The following NFATC4 variants were observed in gnomAD, a reference collection of about 807,000 sequenced individuals.
The protein encoded by NFATC4 is nuclear factor of activated T-cells, cytoplasmic 4.
NFATC4 carries 25 observed loss-of-function variants against 73.4 expected under a neutral mutation model. The observed-to-expected ratio is 0.34, with a 90% CI of 0.25 to 0.48. The LOEUF (loss-of-function observed/expected upper bound fraction) is 0.48. NFATC4 is among the 20% of genes least tolerant of loss of function. The probability of loss-of-function intolerance (pLI) is 0.99; values close to 1 mark genes in which losing one functional copy is unlikely to be tolerated. For missense variants in NFATC4, 1,130 were observed against 1,203.7 expected, an observed-to-expected ratio of 0.94 and a Z score of 0.91; for synonymous variants, 523 against 510.3, an observed-to-expected ratio of 1.02 and a Z score of -0.34.
rs924191397 is a variant in NFATC4, at chr14:24,370,358, C to T, written c.960C>T (p.Ala320=). 1.6e-5 allele frequency: 26 copies of T among 1,613,778 alleles called. No homozygotes were observed. Among genetic ancestry groups the T allele is most frequent in the Non-Finnish European group, 2.2e-5 (26 of 1,179,940 alleles). Residue 320 remains alanine, a synonymous_variant, in exon 2 of 10, where the codon GCC becomes GCT. Transcript: ENST00000250373. ...CTGGTCCCTTTGACTATGTGGGGGC[C>T]CCACCAGCTGAGAGCATCCCTCAGA... The part of the protein sequence containing the change: ...GSPGPFDYVG[A]PPAESIPQKT...
chr14:24,368,977 A>C, intron 1 of NFATC4: 7 of 1,090,432 alleles, frequency 6.4e-6, no homozygotes, highest in East Asian at 6.0e-5. Context: ...TGGGCCCAGC[A>C]CGCATCACCC....
rs746242895 is a variant in NFATC4, at chr14:24,370,191, C to G, written c.793C>G (p.Pro265Ala). The G allele has an allele frequency of 1.9e-6, 3 of 1,607,632 alleles. No homozygotes were observed. The highest frequency in any genetic ancestry group is 1.7e-6 in the Non-Finnish European group (2 of 1,179,908). Residue 265 changes from proline to alanine, a missense_variant, in exon 2 of 10, where the codon CCA becomes GCA. Physicochemically the swap from Pro to Ala is conservative, Grantham distance 27. Around this residue, in one of 3 missense-constraint regions of NFATC4, gnomAD observed 585 missense variants for 574.3 expected, o/e 1.02. Coordinates refer to ENST00000250373, the MANE Select transcript of NFATC4 (RefSeq NM_004554.5). ...PTPASPRPAS[P>A]CGKRRYSSSG... The stretch of plus-strand genomic sequence containing the variant: ...CCCAGCCTCCCCGCGGCCTGCCTCT[C>G]CATGTGGCAAGCGGCGCTATTCCAG...
At chr14:24,368,492 G>C in intron 1 of NFATC4, 52 bp downstream of exon 1, 7 of 1,246,912 alleles carry the variant, frequency 5.6e-6, no homozygotes, top group Non-Finnish European at 7.1e-6. Flanking sequence ...GAGGGCCGGG[G>C]ATCCTGAGTC....
In NFATC4 at chr14:24,376,188, G is replaced by A; in HGVS notation, c.2056+87G>A. The A allele has an allele frequency of 6.3e-7, 1 of 1,594,170 alleles. No homozygotes were observed. Among genetic ancestry groups the A allele is most frequent in the Non-Finnish European group, 8.6e-7 (1 of 1,168,362 alleles). On this transcript the variant is annotated intron_variant, in intron 8 of 9. Coordinates refer to ENST00000250373, the MANE Select transcript of NFATC4 (RefSeq NM_004554.5). This position sits in a 1 kb window ranked among gnomAD's most constrained non-coding sequence, Gnocchi z 5.0. ...AGGGAAGCAGTACTCATCATGAGGG[G>A]CCAAGGGGTGAATGGAACCTGGGAG...
rs370393607 is a variant in NFATC4, at chr14:24,371,696, C to CT, written c.1197-735dup. On this transcript the variant is annotated intron_variant, in intron 2 of 9. Transcript: ENST00000250373. Reference sequence around the variant, plus strand: ...GGCTTCAGTTTCTTTCTCTCTCTCTCTTTTTTTTTTCTTTGAGACAGTGTC... The same window carrying CT: ...GGCTTCAGTTTCTTTCTCTCTCTCTCTTTTTTTTTTTCTTTGAGACAGTGTC... 1.1e-3 allele frequency: 172 copies of CT among 150,528 alleles called. No homozygotes were observed. In the South Asian group the frequency reaches 0.017, roughly 15 times the overall value. 9.3% of individuals were successfully genotyped at this position (150,528 alleles called of 1,614,324 possible). A position where few individuals can be genotyped will look rare whatever the true frequency, so the allele number is the denominator to read the frequency against.
upstream of NFATC4, chr14:24,367,039 G>C: frequency 6.2e-7 from 1 of 1,613,710 alleles, no homozygotes; most frequent in Non-Finnish European, 8.5e-7. Flanking sequence ...TTGAAACTGT[G>C]TGTGTGTGGG....
Position 24,377,982 on chromosome 14 carries a change from T to A in NFATC4, c.*277T>A. ...CAGAATGGACTGGAGTGAAGGCGTG[T>A]CTAGAGTGTGGGCTGGCTGTTGTGC... On this transcript the variant is annotated 3_prime_UTR_variant, in exon 10 of 10. Transcript: ENST00000250373. The surrounding 1 kb of genome is among the most constrained non-coding windows in gnomAD (Gnocchi z 4.2). The A allele has an allele frequency of 1.7e-6, 1 of 589,392 alleles. No individual in the cohort carries two copies. Among genetic ancestry groups the A allele is most frequent in the East Asian group, 3.1e-5 (1 of 32,252 alleles). The allele number at this position is 589,392 out of a possible 1,614,324, so 36.5% of individuals were successfully genotyped here.
Position 24,373,424 on chromosome 14 carries a change from A to T in NFATC4, c.1559+54A>T. The T allele has an allele frequency of 6.3e-7, 1 of 1,591,390 alleles. No homozygotes were observed. Among genetic ancestry groups the T allele is most frequent in the Non-Finnish European group, 8.6e-7 (1 of 1,162,696 alleles). ...CGCAGGCTTTGTACTAGCTTTCTCC[A>T]CTGGGCCTATGCTAGCCCACTTCTT... On this transcript the variant is annotated intron_variant, in intron 4 of 9. Transcript: ENST00000250373. The surrounding 1 kb of genome is among the most constrained non-coding windows in gnomAD (Gnocchi z 4.7).
At chr14:24,374,224 C>G (rs1173667995) in intron 5 of NFATC4, 102 bp from the exon 6 acceptor site, 1 of 1,415,828 alleles carries the variant, frequency 7.1e-7, no homozygotes, top group Non-Finnish European at 9.5e-7. Flanking sequence ...GAGGAGGGCT[C>G]CCTCAGAGCC....
At position 24,377,559 on chromosome 14, in the gene NFATC4, G is replaced by A. The variant is rs1318286674; in HGVS notation, c.2642-79G>A. ...AGGCCTCCTAGATTAAGACCTGCCT[G>A]GAATGGATTGGGGGTGGGTCTTTGG... On this transcript the variant is annotated intron_variant, in intron 9 of 9. Coordinates refer to ENST00000250373, the MANE Select transcript of NFATC4 (RefSeq NM_004554.5). The surrounding 1 kb of genome is among the most constrained non-coding windows in gnomAD (Gnocchi z 4.2). 1 of 1,608,304 alleles carries A rather than the reference G, an allele frequency of 6.2e-7. No individual in the cohort carries two copies. Among genetic ancestry groups the A allele is most frequent in the African/African-American group, 1.3e-5 (1 of 74,886 alleles).
chr14:24,368,900 A>C (rs2042381171), intron 1 of NFATC4: 7 of 217,692 alleles, frequency 3.2e-5, no homozygotes, highest in Non-Finnish European at 5.4e-5. Flanking sequence ...GATGGCGGGG[A>C]CCGAGCCGGG....
rs1365557949 is a variant in NFATC4, at chr14:24,375,661, T to C, written c.1875T>C (p.Asp625=). The C allele has an allele frequency of 1.3e-6, 2 of 1,543,054 alleles. No individual in the cohort carries two copies. The highest frequency in any genetic ancestry group is 1.2e-5 in the South Asian group (1 of 84,180). Residue 625 remains aspartate, a splice_region_variant and synonymous_variant, in exon 7 of 10, where the codon GAT becomes GAC. Coordinates refer to ENST00000250373, the MANE Select transcript of NFATC4 (RefSeq NM_004554.5). ...SKVVFIERGP[D]GKLQWEEEAT... is the part of the protein sequence containing the mutation. ...CAGCTCTCTGTTCCCTCTGGACAGA[T>C]GGGAAGCTGCAATGGGAGGAGGAGG...
Position 24,368,381 on chromosome 14 carries a change from A to T in NFATC4, c.41A>T (p.Lys14Met). The T allele has an allele frequency of 7.3e-7, 1 of 1,368,354 alleles. No individual in the cohort carries two copies. Among genetic ancestry groups the T allele is most frequent in the Non-Finnish European group, 9.4e-7 (1 of 1,060,472 alleles). 84.8% of individuals were successfully genotyped at this position (1,368,354 alleles called of 1,614,324 possible). A position where few individuals can be genotyped will look rare whatever the true frequency, so the allele number is the denominator to read the frequency against. The change falls in exon 1 of 10, where the codon AAG becomes ATG. Residue 14 changes from lysine to methionine, a missense_variant. Physicochemically the swap from Lys to Met is moderately conservative, Grantham distance 95 (BLOSUM62 -1). This residue lies in a region of NFATC4 where 585 missense variants were observed against 574.3 expected (regional missense o/e 1.02). Coordinates refer to ENST00000250373, the MANE Select transcript of NFATC4 (RefSeq NM_004554.5). Reference protein sequence around the residue: ...ASCEDEELEFKLVFGEEKEAP... With the variant: ...ASCEDEELEFMLVFGEEKEAP... ...TGCGAGGATGAGGAGCTGGAATTTA[A>T]GCTGGTGTTCGGGGAGGAAAAGGAG... is the stretch of plus-strand genomic sequence containing the variant.
chr14:24,369,549 C>G lies in NFATC4; in HGVS notation c.151C>G (p.Pro51Ala), dbSNP rs1566461365. 1.1e-5 allele frequency: 18 copies of G among 1,609,452 alleles called. No homozygotes were observed. The highest frequency in any genetic ancestry group is 1.4e-5 in the Non-Finnish European group (17 of 1,177,044). Residue 51 changes from proline (P) to alanine (A), a missense_variant, in exon 2 of 10, where the codon CCC (proline) becomes GCC (alanine). Pro to Ala is a conservative substitution (Grantham distance 27, BLOSUM62 -1). Around this residue, in one of 3 missense-constraint regions of NFATC4, gnomAD observed 585 missense variants for 574.3 expected, o/e 1.02. Coordinates refer to ENST00000250373, the MANE Select transcript of NFATC4 (RefSeq NM_004554.5). The stretch of plus-strand genomic sequence containing the variant: ...ATGCTGCCGTCTGGCCTTGGGAGAG[C>G]CCCCTCCCTATGGCGCTGCACCTAT... Reference protein sequence around the residue: ...PPCCRLALGEPPPYGAAPIGI... With the variant: ...PPCCRLALGEAPPYGAAPIGI...
At position 24,376,628 on chromosome 14, in the gene NFATC4, C is replaced by T. The variant is rs1449400219; in HGVS notation, c.2391C>T (p.Ser797=). 1.2e-6 allele frequency: 2 copies of T among 1,613,540 alleles called. No individual in the cohort carries two copies. The highest frequency in any genetic ancestry group is 3.3e-5 in the Admixed American group (2 of 59,962). Residue 797 remains serine, a synonymous_variant, in exon 9 of 10, where the codon TCC becomes TCT. Coordinates refer to ENST00000250373, the MANE Select transcript of NFATC4 (RefSeq NM_004554.5). This position sits in a 1 kb window ranked among gnomAD's most constrained non-coding sequence, Gnocchi z 5.0. ...GTGACCCGTATGGAGGGCGGGGCTC[C>T]TCTTTCTCCCTGGGGCTGCCATTCT... is the stretch of plus-strand genomic sequence containing the variant. The part of the protein sequence containing the change: ...FPSDPYGGRG[S]SFSLGLPFSP...
intron 5 of NFATC4, 25 bp from the exon 6 acceptor site, chr14:24,374,301 T>A (rs778908363): frequency 2.4e-5 from 38 of 1,587,832 alleles, no homozygotes; most frequent in Non-Finnish European, 3.3e-5. Context: ...GCCCAGCCAG[T>A]CCTCTTCCTT....
At chr14:24,374,800 C>A (rs1046946321) in intron 6 of NFATC4, 3 of 187,732 alleles carry the variant, frequency 1.6e-5, no homozygotes, top group African/African-American at 7.1e-5. Context: ...GCCCGCTGGG[C>A]CCCTCTTGAG....
chr14:24,368,660 G>C (rs575681940), intron 1 of NFATC4, among the ~76,000 whole-genome samples: 1 of 151,796 alleles, frequency 6.6e-6, no homozygotes, highest in African/African-American at 2.4e-5. Context: ...GGGTGCTGTT[G>C]GCTGTGCGCC....
chr14:24,377,422 C>T lies in NFATC4; in HGVS notation c.2642-216C>T. 1.4e-6 allele frequency: 2 copies of T among 1,417,980 alleles called. No homozygotes were observed. The highest frequency in any genetic ancestry group is 1.8e-6 in the Non-Finnish European group (2 of 1,089,602). The allele number at this position is 1,417,980 out of a possible 1,614,324, so 87.8% of individuals were successfully genotyped here. A position where few individuals can be genotyped will look rare whatever the true frequency, so the allele number is the denominator to read the frequency against. ...CAGCAGGAAAGGGCTAGGACGGGTG[C>T]CTGGGAGCCCACATGGAGGGAGTTG... On this transcript the variant is annotated intron_variant, in intron 9 of 9. Transcript: ENST00000250373. This position sits in a 1 kb window ranked among gnomAD's most constrained non-coding sequence, Gnocchi z 4.2.
Sources: allele counts gnomAD v4.1 joint callset (sites outside exome capture counted in the v4.1 genomes callset), GRCh38; gene constraint gnomAD v4.1.1; regional missense constraint gnomAD v4.1.1; non-coding constraint Gnocchi (gnomAD v3.1); transcripts MANE v1.5; gene names NCBI Gene and HGNC (gene_info 2026-07-23, HGNC 2026-07-21).